Variants in ZNF302 observed in about 807,000 individuals in gnomAD.
The protein encoded by ZNF302 is zinc finger protein 327.
A neutral mutation model predicts 10.8 loss-of-function variants in ZNF302; 12 were observed. The observed-to-expected ratio is 1.11, with a 90% CI of 0.71 to 1.79. The LOEUF is 1.79. Among genes scored for constraint, ZNF302 ranks in the 40% most tolerant of loss-of-function variants. ZNF302 has a pLI of 0.00. For missense variants in ZNF302, 461 were observed against 471.1 expected (o/e 0.98, Z 0.20); for synonymous variants, 178 against 157.5 (o/e 1.13, Z -0.98).
At chr19:34,682,039 G>A (rs933218459) in intron 2 of ZNF302, 3 of 152,228 alleles carry the variant, frequency 2.0e-5, no homozygotes, top group African/African-American at 7.2e-5. Flanking sequence ...AAGATCAAGA[G>A]GCAGGCATCT....
Position 34,678,745 on chromosome 19 carries a change from C to T in ZNF302, c.-60C>T, listed in dbSNP as rs749740448. The T allele has an allele frequency of 8.7e-5, 139 of 1,606,196 alleles. 2 individuals are homozygous for T. The Middle Eastern group carries it at 9.9e-4, about 11-fold the overall frequency. ...CCTTTCTGTGCCCTCAGGACACTGC[C>T]CATCTCTAAGATAAGAACCTGGAAA... On this transcript the variant is annotated 5_prime_UTR_variant, in exon 2 of 5. Coordinates refer to ENST00000505242, the MANE Select transcript of ZNF302 (RefSeq NM_001289187.2).
intron 2 of ZNF302, among the ~76,000 whole-genome samples, chr19:34,679,269 C>T (rs2068205455): frequency 2.0e-5 from 3 of 152,182 alleles, no homozygotes; most frequent in South Asian, 4.1e-4. Flanking sequence ...CCACCACTAC[C>T]ACCCCAGTCC....
Position 34,684,699 on chromosome 19 carries a change from G to T in ZNF302, c.662G>T (p.Arg221Ile), listed in dbSNP as rs548828935. Residue 221 changes from arginine to isoleucine, a missense_variant, in exon 5 of 5, where the codon AGA becomes ATA. Coordinates refer to ENST00000505242, the MANE Select transcript of ZNF302 (RefSeq NM_001289187.2). ...CAGTCAATCCTCAGTCGCCACTGGA[G>T]AATTCATACAGGAGAGAAGCCCTAT... ...GKQSILSRHW[R>I]IHTGEKPYEC... is the part of the protein sequence containing the mutation. 3.7e-6 allele frequency: 6 copies of T among 1,613,914 alleles called. No homozygotes were observed. Among genetic ancestry groups the T allele is most frequent in the Non-Finnish European group, 5.1e-6 (6 of 1,179,928 alleles).
intron 2 of ZNF302, 125 bp downstream of exon 2, chr19:34,678,938 C>A: frequency 8.7e-7 from 1 of 1,149,728 alleles, no homozygotes; most frequent in Non-Finnish European, 1.3e-6. Flanking sequence ...TGGTTCCTTT[C>A]ACTATAGGAA....
At chr19:34,684,188 A>AGGC (rs1434870717) in intron 4 of ZNF302, 64 bp from the exon 5 acceptor site, 33 of 575,406 alleles carry the variant, frequency 5.7e-5, no homozygotes, top group South Asian at 1.3e-4. Context: ...AAAAAAAAAA[A>AGGC]AAAAAAAAAA....
At chr19:34,680,200 G>T (rs1342738508) in intron 2 of ZNF302, among the ~76,000 whole-genome samples, 2 of 152,062 alleles carry the variant, frequency 1.3e-5, no homozygotes, top group African/African-American at 2.4e-5. Context: ...CAAAGTAAAG[G>T]CTAAAGTGAA....
At position 34,682,889 on chromosome 19, in the gene ZNF302, T is replaced by C. The variant is rs954484713; in HGVS notation, c.122T>C (p.Val41Ala). Residue 41 changes from valine to alanine, a missense_variant, in exon 3 of 5, where the codon GTC becomes GCC. Physicochemically the swap from Val to Ala is moderately conservative, Grantham distance 64 (BLOSUM62 0). Coordinates refer to ENST00000505242, the MANE Select transcript of ZNF302 (RefSeq NM_001289187.2). ...ATGGTCCAGAATTATGAGAACCTGGTCTCTGTAGGTAAGGATATCACCCCT... is the reference window on the plus strand; with the variant it reads ...ATGGTCCAGAATTATGAGAACCTGGCCTCTGTAGGTAAGGATATCACCCCT... ...DVMVQNYENLVSVGLSVTKPY... is the reference protein window; with the variant it reads ...DVMVQNYENLASVGLSVTKPY... 1.9e-6 allele frequency: 3 copies of C among 1,613,686 alleles called. No individual in the cohort carries two copies. The highest frequency in any genetic ancestry group is 1.3e-5 in the African/African-American group (1 of 74,938).
chr19:34,681,904 TTTTG>T (rs1177379282), intron 2 of ZNF302: 1 of 152,238 alleles, frequency 6.6e-6, no homozygotes, highest in Non-Finnish European at 1.5e-5. Flanking sequence ...TATTTTTCTT[TTTTG>T]TTTATGAATC....
chr19:34,684,921 G>A lies in ZNF302; in HGVS notation c.884G>A (p.Ser295Asn), dbSNP rs1369528353. The A allele has an allele frequency of 1.9e-6, 3 of 1,613,868 alleles. No homozygotes were observed. The highest frequency in any genetic ancestry group is 1.7e-5 in the Admixed American group (1 of 59,976). ...TGTATGAACTGTGGAAAGTCTTTTAGTCGTGTGTCCCTTCTCATTCAGCAT... is the reference window on the plus strand; with the variant it reads ...TGTATGAACTGTGGAAAGTCTTTTAATCGTGTGTCCCTTCTCATTCAGCAT... ...YECMNCGKSF[S>N]RVSLLIQHLR... is the part of the protein sequence containing the mutation. The change falls in exon 5 of 5, where the codon AGT (serine) becomes AAT (asparagine). Residue 295 changes from serine (S) to asparagine (N), a missense_variant. Ser to Asn is a conservative substitution (Grantham distance 46). Transcript: ENST00000505242.
chr19:34,685,549 T>G lies in ZNF302; in HGVS notation c.*312T>G. ...TTACTGCCCATCAAAGAGTACATAA[T>G]GGAGAGAAACCCAATAGTGTGGTAA... is the stretch of plus-strand genomic sequence containing the variant. On this transcript the variant is annotated 3_prime_UTR_variant, in exon 5 of 5. Transcript: ENST00000505242. 6.5e-7 allele frequency: 1 copy of G among 1,543,326 alleles called. No individual in the cohort carries two copies. Among genetic ancestry groups the G allele is most frequent in the Non-Finnish European group, 9.0e-7 (1 of 1,116,958 alleles).
Position 34,684,893 on chromosome 19 carries a change from G to A in ZNF302, c.856G>A (p.Glu286Lys). ...CACTCACACGGGAGAGAAACCGTATGAATGTATGAACTGTGGAAAGTCTTT... is the reference window on the plus strand; with the variant it reads ...CACTCACACGGGAGAGAAACCGTATAAATGTATGAACTGTGGAAAGTCTTT... Reference protein sequence around the residue: ...QSTHTGEKPYECMNCGKSFSR... With the variant: ...QSTHTGEKPYKCMNCGKSFSR... The change falls in exon 5 of 5, where the codon GAA becomes AAA. Residue 286 changes from glutamate to lysine, a missense_variant. Transcript: ENST00000505242. 5 of 1,613,908 alleles carry A rather than the reference G, an allele frequency of 3.1e-6. No homozygotes were observed. Among genetic ancestry groups the A allele is most frequent in the Non-Finnish European group, 4.2e-6 (5 of 1,179,848 alleles).
At chr19:34,680,267 G>C (rs1261570703) in intron 2 of ZNF302, among the ~76,000 whole-genome samples, 1 of 152,134 alleles carries the variant, frequency 6.6e-6, no homozygotes, top group African/African-American at 2.4e-5. Context: ...GTACCTGTTA[G>C]GAAGAGTTGT....
Position 34,685,697 on chromosome 19 carries a change from G to A in ZNF302, c.*460G>A. On this transcript the variant is annotated 3_prime_UTR_variant, in exon 5 of 5. Transcript: ENST00000505242. ...CTCCCTTATTTAACATCAGAAAAAT[G>A]TATACTGGGGAAAAGTTGTATGAAG... 1.5e-6 allele frequency: 1 copy of A among 683,922 alleles called. No homozygotes were observed. Among genetic ancestry groups the A allele is most frequent in the Non-Finnish European group, 2.6e-6 (1 of 387,468 alleles). 42.4% of individuals were successfully genotyped at this position (683,922 alleles called of 1,614,324 possible).
Position 34,682,996 on chromosome 19 carries a change from C to T in ZNF302, c.130+99C>T, listed in dbSNP as rs1014754248. 6.3e-6 allele frequency: 10 copies of T among 1,577,266 alleles called. No individual in the cohort carries two copies. In the African/African-American group the frequency reaches 1.4e-4, roughly 21 times the overall value. On this transcript the variant is annotated intron_variant, in intron 3 of 4. Coordinates refer to ENST00000505242, the MANE Select transcript of ZNF302 (RefSeq NM_001289187.2). ...TAAGTAAATGGCTGAATTTCTGTAC[C>T]ATGCTCCCGAGGAAATGTGCAGCTC...
At position 34,677,724 on chromosome 19, in the gene ZNF302, G is replaced by A. The variant is rs8106282; in HGVS notation, c.-448G>A. 0.098 allele frequency: 14,960 copies of A among 152,378 alleles called. 877 individuals carry two copies. Among genetic ancestry groups the A allele is most frequent in the Middle Eastern group, 0.23 (69 of 294 alleles). 9.4% of individuals were successfully genotyped at this position (152,378 alleles called of 1,614,324 possible). On this transcript the variant is annotated 5_prime_UTR_variant, in exon 1 of 5. Coordinates refer to ENST00000505242, the MANE Select transcript of ZNF302 (RefSeq NM_001289187.2). ...GGCCTGGCGGCGGCTTCCAAGCTAA[G>A]GAACGGTTTGGGGCAGTGTCGTTCC...
At chr19:34,676,984 C>T (rs2067977874), upstream of ZNF302, 1 of 152,000 alleles carries the variant, frequency 6.6e-6, no homozygotes. Context: ...CCAGTGCTCA[C>T]TCAAGTTCAG....
rs1261884119 is a variant in ZNF302 at position 34,685,151 on chromosome 19, A to C, written c.1114A>C (p.Asn372His). Residue 372 changes from asparagine to histidine, a missense_variant, in exon 5 of 5, where the codon AAC becomes CAC. Physicochemically the swap from Asn to His is moderately conservative, Grantham distance 68. Transcript: ENST00000505242. ...IHSMKKKYEC[N>H]KCLKVFSSFS... Reference sequence around the variant, plus strand: ...CAGTATGAAGAAAAAATATGAATGCAACAAATGTCTCAAGGTCTTTAGTAG... The same window carrying C: ...CAGTATGAAGAAAAAATATGAATGCCACAAATGTCTCAAGGTCTTTAGTAG... 6.2e-7 allele frequency: 1 copy of C among 1,610,596 alleles called. No individual in the cohort carries two copies. Among genetic ancestry groups the C allele is most frequent in the Admixed American group, 1.7e-5 (1 of 59,300 alleles).
rs2068422691 is a variant in ZNF302, at chr19:34,682,761, A to G, written c.10-16A>G. 4 of 1,613,104 alleles carry G rather than the reference A, an allele frequency of 2.5e-6. No individual in the cohort carries two copies. Among genetic ancestry groups the G allele is most frequent in the Non-Finnish European group, 3.4e-6 (4 of 1,179,436 alleles). ...GCCTGGGCTATGGCTGAGCCTAAAT[A>G]TATTTGCTATTTCAGGTGACATTTA... is the stretch of plus-strand genomic sequence containing the variant. On this transcript the variant is annotated splice_polypyrimidine_tract_variant and intron_variant, in intron 2 of 4. Transcript: ENST00000505242.
intron 2 of ZNF302, chr19:34,679,886 T>G (rs1392390108): frequency 1.4e-6 from 1 of 702,502 alleles, no homozygotes; most frequent in Non-Finnish European, 2.6e-6. Flanking sequence ...AATTGTGGAG[T>G]GAATAAGATG....
Sources: allele counts gnomAD v4.1 joint callset (sites outside exome capture counted in the v4.1 genomes callset), GRCh38; gene constraint gnomAD v4.1.1; transcripts MANE v1.5; gene names NCBI Gene and HGNC (gene_info 2026-07-23, HGNC 2026-07-21).